The following DNAH7 variants were observed in gnomAD, a reference collection of about 807,000 sequenced individuals.
DNAH7 encodes dynein axonemal heavy chain 7.
A neutral mutation model predicts 444.6 loss-of-function variants in DNAH7; 397 were observed. The ratio of observed to expected loss-of-function variants is 0.89; its 90% confidence interval spans 0.82 to 0.97. The LOEUF is 0.97. Among genes scored for constraint, DNAH7 ranks in the 50% least tolerant of loss-of-function variants. DNAH7 has a pLI of 0.00. For synonymous variants in DNAH7, 1,636 were observed against 1,624.4 expected, an observed-to-expected ratio of 1.01 and a Z score of -0.17; for missense variants, 4,902 against 4,800.8, an observed-to-expected ratio of 1.02 and a Z score of -0.62.
At chr2:195,914,602 T>A (rs1559218386) in intron 24 of DNAH7, among the ~76,000 whole-genome samples, 3 of 152,250 alleles carry the variant, frequency 2.0e-5, no homozygotes, top group African/African-American at 7.2e-5. Flanking sequence ...ACCAGGCCAA[T>A]GAGGAAGACT....
intron 54 of DNAH7, among the ~76,000 whole-genome samples, chr2:195,805,870 A>T (rs367957422): frequency 1.5e-4 from 23 of 152,184 alleles, no homozygotes; most frequent in African/African-American, 5.5e-4. Flanking sequence ...TAGAGGGAAA[A>T]ATGCCCCTAA....
chr2:195,762,611 A>G (rs575545474), intron 61 of DNAH7, among the ~76,000 whole-genome samples: 128 of 152,336 alleles, frequency 8.4e-4, no homozygotes, highest in South Asian at 6.0e-3. Flanking sequence ...ATTTCAAAAC[A>G]AAAACTACAA....
intron 17 of DNAH7, among the ~76,000 whole-genome samples, chr2:195,964,984 G>A (rs115162920): frequency 0.017 from 2,572 of 152,096 alleles, 65 homozygotes; most frequent in African/African-American, 0.058. Context: ...GCTGTAGCTA[G>A]TACTTCCAGC....
intron 61 of DNAH7, among the ~76,000 whole-genome samples, chr2:195,762,020 TACA>T (rs1553515769): frequency 6.6e-6 from 1 of 151,956 alleles, no homozygotes; most frequent in East Asian, 1.9e-4. Context: ...AAATAATAAC[TACA>T]ACAACTTTTC....
intron 5 of DNAH7, among the ~76,000 whole-genome samples, chr2:196,038,522 C>T (rs1426083397): frequency 6.6e-6 from 1 of 151,938 alleles, no homozygotes; most frequent in Admixed American, 6.6e-5. Flanking sequence ...GTTGAAATTC[C>T]CCTAATTAAA....
At chr2:195,738,790 T>C (rs950107359) in intron 64 of DNAH7, among the ~76,000 whole-genome samples, 1 of 152,180 alleles carries the variant, frequency 6.6e-6, no homozygotes, top group African/African-American at 2.4e-5. Context: ...TTAATTCAAT[T>C]TATTTTTCTG....
intron 19 of DNAH7, among the ~76,000 whole-genome samples, chr2:195,954,095 T>G (rs1042552140): frequency 6.6e-6 from 1 of 152,180 alleles, no homozygotes; most frequent in Non-Finnish European, 1.5e-5. Flanking sequence ...GTTACATATG[T>G]ATACATGTGC....
intron 10 of DNAH7, among the ~76,000 whole-genome samples, chr2:196,003,162 C>CAAA (rs796806394): frequency 4.2e-5 from 5 of 118,770 alleles, no homozygotes; most frequent in African/African-American, 1.3e-4. Flanking sequence ...GCAATTTCAC[C>CAAA]AAAAAAAAAA....
intron 19 of DNAH7, among the ~76,000 whole-genome samples, chr2:195,943,370 T>A (rs1689593906): frequency 6.6e-6 from 1 of 152,142 alleles, no homozygotes; most frequent in South Asian, 2.1e-4. Flanking sequence ...ATAAGGTGAG[T>A]TCCTTAGCAT....
At chr2:195,933,627 T>C (rs549290078) in intron 21 of DNAH7, among the ~76,000 whole-genome samples, 18 of 151,974 alleles carry the variant, frequency 1.2e-4, no homozygotes, top group African/African-American at 3.4e-4. Flanking sequence ...GAAACCATCA[T>C]TCTCAGCAAA....
intron 9 of DNAH7, among the ~76,000 whole-genome samples, chr2:196,015,492 T>C (rs1694964095): frequency 6.6e-6 from 1 of 152,190 alleles, no homozygotes; most frequent in Non-Finnish European, 1.5e-5. Flanking sequence ...TATATTACAC[T>C]GTAATTTCTA....
At chr2:195,854,442 A>G (rs1699577113) in intron 45 of DNAH7, among the ~76,000 whole-genome samples, 1 of 152,222 alleles carries the variant, frequency 6.6e-6, no homozygotes, top group Non-Finnish European at 1.5e-5. Context: ...AAGATGTATA[A>G]TTCTGTATCA....
intron 54 of DNAH7, 24 bp from the exon 55 acceptor site, chr2:195,799,496 T>C: frequency 6.6e-7 from 1 of 1,514,158 alleles, no homozygotes; most frequent in Non-Finnish European, 8.8e-7. Context: ...AGGATATAGT[T>C]GGAAGAATAT....
rs545638947 is a variant in DNAH7, at chr2:195,995,047, A to G, written c.1353+5657T>C. 9 of 253,314 alleles carry G rather than the reference A, an allele frequency of 3.6e-5. No individual in the cohort carries two copies. The East Asian group carries it at 7.0e-4, about 20-fold the overall frequency. 15.7% of individuals were successfully genotyped at this position (253,314 alleles called of 1,614,324 possible). A position where few individuals can be genotyped will look rare whatever the true frequency, so the allele number is the denominator to read the frequency against. On this transcript the variant is annotated intron_variant, in intron 12 of 64. Transcript: ENST00000312428. ...TGGGTTCAAGCGATTCTCCTGCCTC[A>G]GCCTCCCGAGCAGCTGGGACTACAG... is the stretch of plus-strand genomic sequence containing the variant.
intron 10 of DNAH7, 108 bp downstream of exon 10, chr2:196,012,679 A>C: frequency 4.5e-6 from 5 of 1,110,244 alleles, no homozygotes; most frequent in Non-Finnish European, 5.1e-6. Context: ...ATCATGTAGA[A>C]ATGATTTAAA....
rs781366785 is a variant in DNAH7 at position 196,024,420 on chromosome 2, A to G, written c.743+9T>C. Reference sequence around the variant, plus strand: ...TAATCAACATTCTTAGAGAAATCTGATCACTTACTCAGCACGATGGGCTGG... The same window carrying G: ...TAATCAACATTCTTAGAGAAATCTGGTCACTTACTCAGCACGATGGGCTGG... On this transcript the variant is annotated intron_variant, in intron 8 of 64. Transcript: ENST00000312428. 4.5e-6 allele frequency: 7 copies of G among 1,554,078 alleles called. No individual in the cohort carries two copies. The East Asian group carries it at 1.6e-4, about 36-fold the overall frequency.
chr2:195,893,132 G>C (rs1299292747), intron 30 of DNAH7: 1 of 151,226 alleles, frequency 6.6e-6, no homozygotes, highest in Non-Finnish European at 1.5e-5. Context: ...TTTTTTTAAA[G>C]TAGAAACAGG....
intron 54 of DNAH7, 80 bp downstream of exon 54, chr2:195,806,660 A>C (rs1007996093): frequency 2.1e-5 from 25 of 1,198,596 alleles, no homozygotes; most frequent in Admixed American, 4.0e-5. Context: ...CCATGATTAC[A>C]TAAGGAAACG....
intron 14 of DNAH7, 30 bp from the exon 15 acceptor site, chr2:195,984,740 T>C (rs1484512899): frequency 1.3e-6 from 2 of 1,587,118 alleles, no homozygotes; most frequent in Middle Eastern, 1.7e-4. Flanking sequence ...CAATCTTACA[T>C]ATTTACAGTT....
Sources: allele counts gnomAD v4.1 joint callset (sites outside exome capture counted in the v4.1 genomes callset), GRCh38; gene constraint gnomAD v4.1.1; transcripts MANE v1.5; gene names NCBI Gene and HGNC (gene_info 2026-07-23, HGNC 2026-07-21).